SHB: variants seen among roughly 807,000 people sequenced by gnomAD.
The protein encoded by SHB is SH2 domain containing adaptor protein B, also known as SH2 domain-containing adapter protein B.
A neutral mutation model predicts 52.3 loss-of-function variants in SHB; 20 were observed. That is an observed-to-expected ratio of 0.38 (90% CI 0.27 to 0.56). The LOEUF (loss-of-function observed/expected upper bound fraction) is 0.56. Ranked by LOEUF, SHB falls within the 20% of genes least tolerant of loss-of-function variation. The probability of loss-of-function intolerance (pLI) is 0.71; values close to 1 mark genes in which losing one functional copy is unlikely to be tolerated. For missense variants in SHB, 825 were observed against 723.3 expected, an observed-to-expected ratio of 1.14 and a Z score of -1.61; for synonymous variants, 397 against 316.5, an observed-to-expected ratio of 1.25 and a Z score of -2.70.
At chr9:37,999,523 T>C (rs950916769) in intron 2 of SHB, among the ~76,000 whole-genome samples, 7 of 152,138 alleles carry the variant, frequency 4.6e-5, no homozygotes, top group African/African-American at 1.7e-4. Flanking sequence ...TGGAAAGATA[T>C]CCCCTAGGGA....
intron 2 of SHB, among the ~76,000 whole-genome samples, chr9:37,981,322 T>C (rs1225482212): frequency 6.6e-6 from 1 of 152,236 alleles, no homozygotes; most frequent in Non-Finnish European, 1.5e-5. Context: ...CACACTTCCA[T>C]GTTATGGAAA....
At chr9:37,999,412 G>A (rs1820986567) in intron 2 of SHB, among the ~76,000 whole-genome samples, 1 of 152,154 alleles carries the variant, frequency 6.6e-6, no homozygotes. Flanking sequence ...ACTTTATTCA[G>A]CTGATGCACA....
intron 1 of SHB, among the ~76,000 whole-genome samples, chr9:38,016,655 T>C (rs1030150587): frequency 6.6e-6 from 1 of 152,182 alleles, no homozygotes; most frequent in Admixed American, 6.5e-5. Context: ...GACAACAATT[T>C]GGTGAGATCA....
intron 5 of SHB, among the ~76,000 whole-genome samples, chr9:37,945,032 C>T (rs765183051): frequency 2.0e-5 from 3 of 152,148 alleles, no homozygotes; most frequent in South Asian, 2.1e-4. Context: ...GTGGCTGGTA[C>T]GGAGGGCTCT....
At chr9:37,930,930 A>G (rs111469869) in intron 5 of SHB, among the ~76,000 whole-genome samples, 5,646 of 152,282 alleles carry the variant, frequency 0.037, 161 homozygotes, top group East Asian at 0.1. Context: ...TAGACCAGTG[A>G]AACAGAATAG....
chr9:38,001,807 C>T (rs1304714884), intron 2 of SHB, among the ~76,000 whole-genome samples: 2 of 152,188 alleles, frequency 1.3e-5, no homozygotes, highest in Non-Finnish European at 2.9e-5. Flanking sequence ...ATGACTTGAG[C>T]GCTTGGCAGT....
At chr9:37,975,590 T>C (rs1183411346) in intron 2 of SHB, among the ~76,000 whole-genome samples, 3 of 152,246 alleles carry the variant, frequency 2.0e-5, no homozygotes, top group African/African-American at 7.2e-5. Flanking sequence ...TCATTTTGGC[T>C]GCTGCTCAGT....
intron 5 of SHB, among the ~76,000 whole-genome samples, chr9:37,932,260 C>G (rs1441729623): frequency 2.8e-5 from 3 of 105,464 alleles, no homozygotes; most frequent in African/African-American, 1.2e-4. Flanking sequence ...GTAACAAGAG[C>G]GAAACTCCAT....
At chr9:37,993,393 T>C (rs1820908510) in intron 2 of SHB, among the ~76,000 whole-genome samples, 1 of 152,098 alleles carries the variant, frequency 6.6e-6, no homozygotes, top group South Asian at 2.1e-4. Flanking sequence ...GGGAAGCCAA[T>C]GTGATATGAA....
chr9:37,989,520 C>T (rs1475705435), intron 2 of SHB, among the ~76,000 whole-genome samples: 1 of 152,206 alleles, frequency 6.6e-6, no homozygotes, highest in African/African-American at 2.4e-5. Flanking sequence ...TCCCTCCTTC[C>T]ATATAGCACT....
At chr9:38,022,957 CTCAG>C (rs1234168882) in intron 1 of SHB, among the ~76,000 whole-genome samples, 3 of 152,288 alleles carry the variant, frequency 2.0e-5, no homozygotes, top group African/African-American at 7.2e-5. Flanking sequence ...GGATGCCACA[CTCAG>C]TATCTTTCTA....
intron 2 of SHB, among the ~76,000 whole-genome samples, chr9:37,997,105 C>G (rs536603934): frequency 2.3e-4 from 35 of 152,302 alleles, no homozygotes; most frequent in African/African-American, 8.2e-4. Context: ...ACAGTCCAAG[C>G]CCCTTAGGGG....
intron 1 of SHB, among the ~76,000 whole-genome samples, chr9:38,053,331 G>A (rs558248817): frequency 1.5e-3 from 223 of 152,100 alleles, no homozygotes; most frequent in Middle Eastern, 3.4e-3. Flanking sequence ...TCCACCTCCC[G>A]GGTTCAAGCA....
intron 3 of SHB, among the ~76,000 whole-genome samples, chr9:37,970,580 A>G (rs1401333613): frequency 6.6e-6 from 1 of 152,200 alleles, no homozygotes; most frequent in African/African-American, 2.4e-5. Flanking sequence ...TTTGCTTCAT[A>G]GATGGATGGA....
chr9:37,975,954 G>A (rs1466542623), intron 2 of SHB, among the ~76,000 whole-genome samples: 1 of 152,232 alleles, frequency 6.6e-6, no homozygotes, highest in African/African-American at 2.4e-5. Flanking sequence ...AAGCCAATGC[G>A]ATGAGGCTGG....
chr9:38,000,547 T>A (rs929683632), intron 2 of SHB, among the ~76,000 whole-genome samples: 1 of 152,200 alleles, frequency 6.6e-6, no homozygotes, highest in Non-Finnish European at 1.5e-5. Context: ...GAGCCTCCCA[T>A]CCTCTGCACT....
chr9:37,991,251 C>A (rs948322986), intron 2 of SHB, among the ~76,000 whole-genome samples: 3 of 152,128 alleles, frequency 2.0e-5, no homozygotes, highest in Non-Finnish European at 1.5e-5. Flanking sequence ...AGGGCAGATA[C>A]CTGAGCTGGT....
At chr9:38,042,327 T>C (rs1821595402) in intron 1 of SHB, among the ~76,000 whole-genome samples, 1 of 152,224 alleles carries the variant, frequency 6.6e-6, no homozygotes, top group Admixed American at 6.5e-5. Flanking sequence ...TATCGTTTAA[T>C]TGCTAACCTC....
chr9:37,991,934 A>T (rs1401263304), intron 2 of SHB, among the ~76,000 whole-genome samples: 1 of 152,210 alleles, frequency 6.6e-6, no homozygotes, highest in African/African-American at 2.4e-5. Flanking sequence ...TCTTTCCCAC[A>T]GATTAACATG....
Sources: allele counts gnomAD v4.1 joint callset (sites outside exome capture counted in the v4.1 genomes callset), GRCh38; gene constraint gnomAD v4.1.1; transcripts MANE v1.5; gene names NCBI Gene and HGNC (gene_info 2026-07-23, HGNC 2026-07-21).